The following CNTNAP5 variants were observed in gnomAD, a reference collection of about 807,000 sequenced individuals.
CNTNAP5 encodes contactin associated protein family member 5.
In CNTNAP5, 72 loss-of-function variants were observed where a neutral mutation model predicts 150.2. The ratio of observed to expected loss-of-function variants is 0.48; its 90% confidence interval spans 0.40 to 0.58. CNTNAP5 has a LOEUF of 0.58. CNTNAP5 is among the 20% of genes least tolerant of loss of function. The pLI is 0.00. For synonymous variants in CNTNAP5, 672 were observed against 619.8 expected, an observed-to-expected ratio of 1.08 and a Z score of -1.25; for missense variants, 1,636 against 1,626.2, an observed-to-expected ratio of 1.01 and a Z score of -0.10.
chr2:124,393,381 A>C (rs1184982171), intron 3 of CNTNAP5, among the ~76,000 whole-genome samples: 1 of 152,096 alleles, frequency 6.6e-6, no homozygotes, highest in African/African-American at 2.4e-5. Context: ...CCCTTTTTGC[A>C]GTATCAGAAT....
chr2:124,110,868 C>A (rs1177232836), intron 1 of CNTNAP5, among the ~76,000 whole-genome samples: 1 of 152,130 alleles, frequency 6.6e-6, no homozygotes, highest in Non-Finnish European at 1.5e-5. Flanking sequence ...TTGATCTGCA[C>A]AAAGGCCCTT....
chr2:124,303,286 C>G (rs1688609215), intron 3 of CNTNAP5, among the ~76,000 whole-genome samples: 1 of 152,158 alleles, frequency 6.6e-6, no homozygotes, highest in African/African-American at 2.4e-5. Context: ...GACACATAGC[C>G]AGAGTGTTAT....
chr2:124,714,131 T>A (rs1362524189), intron 13 of CNTNAP5, among the ~76,000 whole-genome samples: 2 of 152,128 alleles, frequency 1.3e-5, no homozygotes, highest in African/African-American at 4.8e-5. Context: ...TCCCATGGTG[T>A]TCCATGCATT....
chr2:124,252,181 T>A (rs901101744), intron 3 of CNTNAP5, among the ~76,000 whole-genome samples: 2 of 152,136 alleles, frequency 1.3e-5, no homozygotes, highest in Non-Finnish European at 2.9e-5. Context: ...GGGCTATAAA[T>A]ATGTGAGAAT....
At chr2:124,386,040 A>G (rs1690918689) in intron 3 of CNTNAP5, among the ~76,000 whole-genome samples, 1 of 152,158 alleles carries the variant, frequency 6.6e-6, no homozygotes, top group African/African-American at 2.4e-5. Flanking sequence ...TGAACTGCCC[A>G]GGCTCAGTGC....
chr2:124,875,583 T>C (rs1235419992), intron 21 of CNTNAP5, among the ~76,000 whole-genome samples: 3 of 152,120 alleles, frequency 2.0e-5, no homozygotes, highest in Non-Finnish European at 4.4e-5. Flanking sequence ...GCTGTGTAAG[T>C]ATTTCTTGAA....
intron 10 of CNTNAP5, among the ~76,000 whole-genome samples, chr2:124,531,185 C>T (rs1362859882): frequency 6.6e-6 from 1 of 151,962 alleles, no homozygotes; most frequent in African/African-American, 2.4e-5. Context: ...CAACCTGGAT[C>T]CCTCACATGC....
intron 19 of CNTNAP5, among the ~76,000 whole-genome samples, chr2:124,838,289 A>T (rs563016713): frequency 6.6e-6 from 1 of 152,248 alleles, no homozygotes; most frequent in East Asian, 1.9e-4. Context: ...ACACTAGAAG[A>T]CCATTAGATT....
intron 19 of CNTNAP5, among the ~76,000 whole-genome samples, chr2:124,863,676 C>T (rs1056795164): frequency 9.2e-5 from 14 of 152,076 alleles, no homozygotes; most frequent in African/African-American, 1.9e-4. Flanking sequence ...GCCCTCTCCC[C>T]GCAAAAGTAT....
intron 16 of CNTNAP5, among the ~76,000 whole-genome samples, chr2:124,769,901 C>T (rs1681153888): frequency 6.6e-6 from 1 of 152,040 alleles, no homozygotes; most frequent in South Asian, 2.1e-4. Flanking sequence ...AAAGTTGTAG[C>T]AAGTCTTAGT....
intron 8 of CNTNAP5, among the ~76,000 whole-genome samples, chr2:124,523,346 A>T (rs760826195): frequency 7.2e-5 from 11 of 152,242 alleles, no homozygotes; most frequent in Admixed American, 2.0e-4. Context: ...TTTACAATTT[A>T]GAATTGTGTG....
At chr2:124,285,530 T>G (rs1688127635) in intron 3 of CNTNAP5, among the ~76,000 whole-genome samples, 2 of 152,034 alleles carry the variant, frequency 1.3e-5, no homozygotes. Flanking sequence ...CCTGGTGTGG[T>G]GGCTCACGCC....
At chr2:124,451,504 A>T (rs113581187) in intron 6 of CNTNAP5, among the ~76,000 whole-genome samples, 3,150 of 152,194 alleles carry the variant, frequency 0.021, 120 homozygotes, top group African/African-American at 0.07. Flanking sequence ...AGAACTTTAA[A>T]AAGTACTACA....
At chr2:124,371,511 A>T (rs1233381524) in intron 3 of CNTNAP5, among the ~76,000 whole-genome samples, 1 of 152,170 alleles carries the variant, frequency 6.6e-6, no homozygotes. Context: ...TAAATATCTC[A>T]AAAGAAACAT....
intron 1 of CNTNAP5, among the ~76,000 whole-genome samples, chr2:124,188,319 C>A (rs543683320): frequency 6.6e-6 from 1 of 152,114 alleles, no homozygotes; most frequent in Non-Finnish European, 1.5e-5. Flanking sequence ...TATTTGTTTA[C>A]GATGATCCTT....
chr2:124,421,435 A>G (rs1441846004), intron 4 of CNTNAP5, among the ~76,000 whole-genome samples: 1 of 152,124 alleles, frequency 6.6e-6, no homozygotes, highest in East Asian at 1.9e-4. Context: ...CTTCTCTATA[A>G]CTTCAAGTCC....
chr2:124,418,228 A>C (rs1462939417), intron 4 of CNTNAP5, among the ~76,000 whole-genome samples: 1 of 152,218 alleles, frequency 6.6e-6, no homozygotes, highest in African/African-American at 2.4e-5. Flanking sequence ...CTGAAATTGC[A>C]TCATAATAAA....
intron 1 of CNTNAP5, among the ~76,000 whole-genome samples, chr2:124,217,156 A>G (rs1686179156): frequency 6.6e-6 from 1 of 152,194 alleles, no homozygotes. Flanking sequence ...CTGGGAAATC[A>G]ATATAGTCTA....
chr2:124,269,780 A>T (rs1384521981), intron 3 of CNTNAP5, among the ~76,000 whole-genome samples: 1 of 152,164 alleles, frequency 6.6e-6, no homozygotes, highest in East Asian at 1.9e-4. Flanking sequence ...AGAAGTAAAA[A>T]ATGTATGTTT....
Sources: allele counts gnomAD v4.1 joint callset (sites outside exome capture counted in the v4.1 genomes callset), GRCh38; gene constraint gnomAD v4.1.1; transcripts MANE v1.5; gene names NCBI Gene and HGNC (gene_info 2026-07-23, HGNC 2026-07-21).